Variants in ASNS observed in about 807,000 individuals in gnomAD.
ASNS encodes the protein asparagine synthetase [glutamine-hydrolyzing].
In ASNS, 37 loss-of-function variants were observed where a neutral mutation model predicts 62.6. The ratio of observed to expected loss-of-function variants is 0.59; its 90% CI spans 0.45 to 0.78. The LOEUF is 0.78. Ranked by LOEUF, ASNS falls within the 30% of genes least tolerant of loss-of-function variation. The pLI is 0.00. For missense variants in ASNS, 520 were observed against 682.4 expected, an observed-to-expected ratio of 0.76 and a Z score of 2.65; for synonymous variants, 207 against 237.9, an observed-to-expected ratio of 0.87 and a Z score of 1.19.
intron 6 of ASNS, 68 bp downstream of exon 6, chr7:97,858,786 G>C (rs185314350): frequency 1.0e-4 from 145 of 1,410,394 alleles, no homozygotes; most frequent in Admixed American, 2.3e-4. Context: ...AAAAACCAAA[G>C]GGATGGCTAC....
chr7:97,917,357 C>T, the ASNS span, among the ~76,000 whole-genome samples: 405 of 151,522 alleles, frequency 2.7e-3, no homozygotes, highest in African/African-American at 9.6e-3. Flanking sequence ...TGCTCACACA[C>T]GTGCACAAGC....
At chr7:97,917,355 C>T in the ASNS span, among the ~76,000 whole-genome samples, 1 of 152,214 alleles carries the variant, frequency 6.6e-6, no homozygotes, top group African/African-American at 2.4e-5. Flanking sequence ...CGTGCTCACA[C>T]ACGTGCACAA....
chr7:97,891,201 GC>G, the ASNS span, among the ~76,000 whole-genome samples: 2 of 152,214 alleles, frequency 1.3e-5, no homozygotes, highest in Non-Finnish European at 1.5e-5. Flanking sequence ...CAAAGATAGA[GC>G]TTCTGCAGAG....
chr7:97,918,256 G>A, the ASNS span, among the ~76,000 whole-genome samples: 6 of 152,142 alleles, frequency 3.9e-5, no homozygotes, highest in African/African-American at 9.7e-5. Flanking sequence ...TTGGGGAGCC[G>A]GATGACTGGA....
the ASNS span, among the ~76,000 whole-genome samples, chr7:97,897,482 T>G: frequency 6.6e-6 from 1 of 152,190 alleles, no homozygotes; most frequent in African/African-American, 2.4e-5. Flanking sequence ...AAAGAAAATA[T>G]ACAAATCACC....
the ASNS span, among the ~76,000 whole-genome samples, chr7:97,917,141 C>G: frequency 1.4e-5 from 2 of 145,672 alleles, no homozygotes; most frequent in Admixed American, 1.4e-4. Context: ...GCCAGTTAAA[C>G]TTGAATTTCA....
chr7:97,863,656 G>A (rs766849384), intron 4 of ASNS: 2 of 152,606 alleles, frequency 1.3e-5, no homozygotes, highest in African/African-American at 2.4e-5. Context: ...CTGGGCGACT[G>A]AGCAAGACCC....
At chr7:97,854,303 A>C (rs978118744) in intron 10 of ASNS, among the ~76,000 whole-genome samples, 1 of 152,182 alleles carries the variant, frequency 6.6e-6, no homozygotes, top group Non-Finnish European at 1.5e-5. Context: ...GTTACCCTTT[A>C]AAGGTGAAAA....
the ASNS span, among the ~76,000 whole-genome samples, chr7:97,897,454 AT>A: frequency 6.6e-6 from 1 of 151,342 alleles, no homozygotes; most frequent in African/African-American, 2.5e-5. Context: ...CTATCAAAAA[AT>A]AAACAGACAT....
the ASNS span, among the ~76,000 whole-genome samples, chr7:97,881,792 G>A: frequency 6.6e-6 from 1 of 152,168 alleles, no homozygotes; most frequent in Non-Finnish European, 1.5e-5. Context: ...CAGGAGGGAC[G>A]TCTCATTGAA....
chr7:97,858,153 T>C, intron 7 of ASNS, 125 bp downstream of exon 7: 1 of 1,284,156 alleles, frequency 7.8e-7, no homozygotes, highest in African/African-American at 1.5e-5. Context: ...TTTAATACAA[T>C]CAATTTAAAA....
the ASNS span, among the ~76,000 whole-genome samples, chr7:97,926,515 C>T: frequency 1.3e-5 from 2 of 152,246 alleles, no homozygotes; most frequent in Non-Finnish European, 2.9e-5. Context: ...ACCAGCCTGA[C>T]ACTTCTTCAT....
chr7:97,853,501 T>C (rs1466669778), intron 10 of ASNS, 115 bp from the exon 11 acceptor site: 3 of 796,696 alleles, frequency 3.8e-6, no homozygotes, highest in African/African-American at 3.5e-5. Context: ...GTTAAGGTCA[T>C]ACAGTCACAT....
the ASNS span, chr7:97,898,597 T>C: frequency 1.7e-5 from 11 of 629,992 alleles, no homozygotes; most frequent in Non-Finnish European, 2.3e-5. Context: ...TTTGTCTGCA[T>C]CTCTCAGGTC....
At position 97,855,475 on chromosome 7, in the gene ASNS, G is replaced by A. The variant is rs759348413; in HGVS notation, c.1031-16C>T. The A allele has an allele frequency of 4.4e-5, 69 of 1,572,038 alleles. No homozygotes were observed. The highest frequency in any genetic ancestry group is 4.5e-4 in the Middle Eastern group (2 of 4,426). Reference sequence around the variant, plus strand: ...AAATACATACCTTAAATGAGAGAGAGAAATTAACTTTAATGTCAACATAAC... The same window carrying A: ...AAATACATACCTTAAATGAGAGAGAAAAATTAACTTTAATGTCAACATAAC... On this transcript the variant is annotated splice_polypyrimidine_tract_variant and intron_variant, in intron 8 of 12. Transcript: ENST00000394308.
At chr7:97,870,664 A>G (rs1345960989) in intron 1 of ASNS, among the ~76,000 whole-genome samples, 1 of 152,250 alleles carries the variant, frequency 6.6e-6, no homozygotes, top group Non-Finnish European at 1.5e-5. Context: ...GAAAAATTCC[A>G]TAAGATTTAA....
At chr7:97,852,580 G>A in intron 12 of ASNS, 112 bp from the exon 13 acceptor site, 2 of 1,034,884 alleles carry the variant, frequency 1.9e-6, no homozygotes, top group Non-Finnish European at 2.9e-6. Context: ...ACTTGTATGA[G>A]ACCCTTTGAA....
At chr7:97,872,286 C>G (rs1792315373) in intron 1 of ASNS, 65 bp downstream of exon 1, 1 of 147,076 alleles carries the variant, frequency 6.8e-6, no homozygotes, top group African/African-American at 2.6e-5. Context: ...TCCGGAGCAG[C>G]CCCAGGGCAC....
At position 97,864,423 on chromosome 7, in the gene ASNS, C is replaced by A; in HGVS notation, c.323G>T (p.Gly108Val). Residue 108 changes from glycine (G) to valine (V), a missense_variant, in exon 4 of 13, where the codon GGA (glycine) becomes GTA (valine). Transcript: ENST00000394308. Reference protein sequence around the residue: ...GEIILHLYDKGGIEQTICMLD... With the variant: ...GEIILHLYDKVGIEQTICMLD... Reference sequence around the variant, plus strand: ...CATACAAATTGTTTGCTCAATTCCTCCTTTGTCATAAAGATGAAGGATTAT... The same window carrying A: ...CATACAAATTGTTTGCTCAATTCCTACTTTGTCATAAAGATGAAGGATTAT... The A allele has an allele frequency of 6.2e-7, 1 of 1,613,932 alleles. No homozygotes were observed. Among genetic ancestry groups the A allele is most frequent in the Non-Finnish European group, 8.5e-7 (1 of 1,179,920 alleles).
Sources: gnomAD v4.1 joint callset for allele counts (sites outside exome capture counted in the v4.1 genomes callset) on GRCh38, gnomAD v4.1.1 for gene constraint, MANE v1.5 for transcripts, NCBI Gene and HGNC (gene_info 2026-07-23, HGNC 2026-07-21) for gene names.